The following ALMS1 variants were observed in gnomAD, a reference collection of about 807,000 sequenced individuals.
ALMS1 encodes centrosome-associated protein ALMS1.
Under a neutral mutation model 352.2 loss-of-function variants are expected in ALMS1, and 271 were observed. The ratio of observed to expected loss-of-function variants is 0.77; its 90% CI spans 0.70 to 0.85. ALMS1 has a LOEUF of 0.85. ALMS1 is among the 40% of genes least tolerant of loss of function. The pLI, the probability that ALMS1 is intolerant of heterozygous loss-of-function variation, is 0.00. For synonymous variants in ALMS1, 1,865 were observed against 1,761.2 expected (o/e 1.06, Z -1.48); for missense variants, 5,445 against 4,870.7 (o/e 1.12, Z -3.51).
intron 12 of ALMS1, among the ~76,000 whole-genome samples, chr2:73,539,206 C>T (rs545803460): frequency 1.4e-4 from 22 of 152,190 alleles, no homozygotes; most frequent in Admixed American, 8.5e-4. Context: ...AACGATCAGG[C>T]GGCAACATTT....
intron 9 of ALMS1, among the ~76,000 whole-genome samples, chr2:73,486,128 CT>C (rs958460160): frequency 2.0e-5 from 3 of 151,520 alleles, no homozygotes; most frequent in East Asian, 3.9e-4. Flanking sequence ...ATTGGATTGT[CT>C]TTTTTTTCCC....
chr2:73,466,699 T>A (rs1008527659), intron 9 of ALMS1, among the ~76,000 whole-genome samples: 2 of 152,040 alleles, frequency 1.3e-5, no homozygotes, highest in African/African-American at 4.8e-5. Flanking sequence ...AATAATCTAA[T>A]ATGGGAAATT....
At chr2:73,595,902 G>T (rs188837285) in intron 16 of ALMS1, among the ~76,000 whole-genome samples, 1 of 152,162 alleles carries the variant, frequency 6.6e-6, no homozygotes, top group African/African-American at 2.4e-5. Flanking sequence ...TGAACATTTT[G>T]TGTGCTTATT....
chr2:73,431,203 C>T (rs10190219), intron 6 of ALMS1, among the ~76,000 whole-genome samples: 44,205 of 151,938 alleles, frequency 0.29, 7,711 homozygotes, highest in African/African-American at 0.49. Context: ...TCAAATGTCC[C>T]TTGATGGGTA....
chr2:73,573,060 A>G lies in ALMS1; in HGVS notation c.11183A>G (p.Asn3728Ser). 6.2e-7 allele frequency: 1 copy of G among 1,614,102 alleles called. No individual in the cohort carries two copies. The highest frequency in any genetic ancestry group is 1.1e-5 in the South Asian group (1 of 91,074). The change falls in exon 16 of 23, where the codon AAT becomes AGT. Residue 3728 changes from asparagine (N) to serine (S), a missense_variant. Transcript: ENST00000613296. ...KYILSKQPGF[N>S]YISNTSSDCR... ...ATTCTGAGTAAACAGCCAGGTTTTA[A>G]TTATATAAGCAACACTTCTTCGGAT...
chr2:73,412,753 G>T (rs1278226318), intron 2 of ALMS1, among the ~76,000 whole-genome samples: 1 of 152,122 alleles, frequency 6.6e-6, no homozygotes, highest in African/African-American at 2.4e-5. Context: ...TCAGGATGGC[G>T]CCAGTGCACT....
chr2:73,450,478 T>G lies in ALMS1; in HGVS notation c.3951T>G (p.Pro1317=). The G allele has an allele frequency of 6.2e-7, 1 of 1,613,766 alleles. No individual in the cohort carries two copies. Among genetic ancestry groups the G allele is most frequent in the Non-Finnish European group, 8.5e-7 (1 of 1,179,904 alleles). Reference sequence around the variant, plus strand: ...AGGCTAAGAATGTTTCAGCGGTTCCTGGACCAGCTGACCAGAAGACTGTGA... The same window carrying G: ...AGGCTAAGAATGTTTCAGCGGTTCCGGGACCAGCTGACCAGAAGACTGTGA... ...TEEAKNVSAV[P]GPADQKTVIP... The change falls in exon 8 of 23, where the codon CCT becomes CCG. Residue 1317 remains proline, a synonymous_variant. Transcript: ENST00000613296.
intron 16 of ALMS1, among the ~76,000 whole-genome samples, chr2:73,585,927 ATTTGTAT>A (rs1675301947): frequency 6.6e-6 from 1 of 151,208 alleles, no homozygotes; most frequent in African/African-American, 2.4e-5. Context: ...AATTTTTTGT[ATTTGTAT>A]TTTGTATTTT....
rs746086814 is a variant in ALMS1, at chr2:73,572,467, T to C, written c.10590T>C (p.Leu3530=). 1.2e-6 allele frequency: 2 copies of C among 1,613,994 alleles called. No individual in the cohort carries two copies. Among genetic ancestry groups the C allele is most frequent in the Non-Finnish European group, 8.5e-7 (1 of 1,179,986 alleles). ...DKHREHMCLP[L]PYQNMDKTKT... ...ATAGAGAACACATGTGTCTTCCTCT[T>C]CCTTATCAAAACATGGACAAGACTA... Residue 3530 remains leucine, a synonymous_variant, in exon 16 of 23, where the codon CTT becomes CTC. Coordinates refer to ENST00000613296, the MANE Select transcript of ALMS1 (RefSeq NM_001378454.1).
chr2:73,469,440 A>G (rs1205771209), intron 9 of ALMS1: 1 of 151,938 alleles, frequency 6.6e-6, no homozygotes, highest in Non-Finnish European at 1.5e-5. Context: ...AGCATGCCAG[A>G]TATACCACTT....
In ALMS1 at chr2:73,453,385, C is replaced by T; in HGVS notation, c.6858C>T (p.Phe2286=). 1 of 1,613,816 alleles carries T rather than the reference C, an allele frequency of 6.2e-7. No individual in the cohort carries two copies. Residue 2286 remains phenylalanine (F), a synonymous_variant, in exon 8 of 23, where the codon TTC becomes TTT. Coordinates refer to ENST00000613296, the MANE Select transcript of ALMS1 (RefSeq NM_001378454.1). ...ATTTTCCTGCTCCCCTTGCCCGTTT[C>T]AGAGATATTAGTGATATTTCATTTA... is the stretch of plus-strand genomic sequence containing the variant. ...RCNFPAPLAR[F]RDISDISFIQ...
intron 9 of ALMS1, among the ~76,000 whole-genome samples, chr2:73,466,014 G>A (rs1286851165): frequency 1.9e-3 from 1 of 524 alleles, no homozygotes; most frequent in African/African-American, 0.019. Context: ...TGGAGAAATA[G>A]GAACACTTTA....
chr2:73,466,547 C>T (rs994983605), intron 9 of ALMS1, among the ~76,000 whole-genome samples: 24 of 151,276 alleles, frequency 1.6e-4, no homozygotes, highest in African/African-American at 5.1e-4. Flanking sequence ...TGTTAAATGA[C>T]GAGTTAATGG....
intron 21 of ALMS1, among the ~76,000 whole-genome samples, chr2:73,605,613 C>A (rs1177821773): frequency 6.6e-6 from 1 of 152,162 alleles, no homozygotes; most frequent in Non-Finnish European, 1.5e-5. Context: ...CTTTGGGAGT[C>A]CAAGGTGGGC....
chr2:73,551,526 T>C (rs1674434972), intron 13 of ALMS1, among the ~76,000 whole-genome samples: 1 of 134,064 alleles, frequency 7.5e-6, no homozygotes, highest in Admixed American at 8.9e-5. Flanking sequence ...AACCTTCACC[T>C]CCCGGGTTCA....
At position 73,424,921 on chromosome 2, in the gene ALMS1, T is replaced by C. The variant is rs1208498863; in HGVS notation, c.1237+19T>C. 1 of 1,566,430 alleles carries C rather than the reference T, an allele frequency of 6.4e-7. No homozygotes were observed. The highest frequency in any genetic ancestry group is 8.7e-7 in the Non-Finnish European group (1 of 1,150,862). ...TTAACCAGTAAGTACCCTGATTCTT[T>C]TTCAGATTCATCTGACACAATTGAT... On this transcript the variant is annotated intron_variant, in intron 5 of 22. Transcript: ENST00000613296.
At chr2:73,506,696 C>G (rs1470988682) in intron 10 of ALMS1, among the ~76,000 whole-genome samples, 1 of 152,120 alleles carries the variant, frequency 6.6e-6, no homozygotes, top group Non-Finnish European at 1.5e-5. Context: ...TGATGGGGTT[C>G]TCTAAATATA....
intron 1 of ALMS1, among the ~76,000 whole-genome samples, chr2:73,406,296 G>A (rs1237481002): frequency 1.3e-5 from 2 of 152,060 alleles, no homozygotes; most frequent in African/African-American, 4.8e-5. Context: ...TGATATTAGT[G>A]TTGCCGCTAT....
At chr2:73,537,799 G>C (rs973514165) in intron 12 of ALMS1, among the ~76,000 whole-genome samples, 3 of 152,208 alleles carry the variant, frequency 2.0e-5, no homozygotes, top group African/African-American at 7.2e-5. Flanking sequence ...CTGAGCCCTG[G>C]AGTTTGAGAT....
Sources: gnomAD v4.1 joint callset for allele counts (sites outside exome capture counted in the v4.1 genomes callset) on GRCh38, gnomAD v4.1.1 for gene constraint, MANE v1.5 for transcripts, NCBI Gene and HGNC (gene_info 2026-07-23, HGNC 2026-07-21) for gene names.